The following MTSS1 variants were observed in gnomAD, a reference collection of about 807,000 sequenced individuals.
MTSS1 encodes protein MTSS 1.
MTSS1 carries 18 observed loss-of-function variants against 79.0 expected under a neutral mutation model. The observed-to-expected ratio is 0.23, with a 90% confidence interval of 0.16 to 0.34. MTSS1 has a LOEUF of 0.34. Among genes scored for constraint, MTSS1 ranks in the 10% least tolerant of loss-of-function variants. The probability of loss-of-function intolerance (pLI) is 1.00; values close to 1 mark genes in which losing one functional copy is unlikely to be tolerated. For missense variants in MTSS1, 815 were observed against 986.2 expected (o/e 0.83, Z 2.33); for synonymous variants, 341 against 368.6 (o/e 0.93, Z 0.86).
intron 9 of MTSS1, 124 bp downstream of exon 9, chr8:124,565,538 C>G: frequency 2.6e-6 from 2 of 777,078 alleles, no homozygotes; most frequent in South Asian, 4.0e-5. Context: ...TCTTTCAGCT[C>G]ATCATCCCAT....
Position 124,704,121 on chromosome 8 carries a change from T to A in MTSS1, c.134+9A>T. 6.2e-7 allele frequency: 1 copy of A among 1,613,592 alleles called. No homozygotes were observed. Among genetic ancestry groups the A allele is most frequent in the East Asian group, 2.2e-5 (1 of 44,878 alleles). Reference sequence around the variant, plus strand: ...GTCCTTTTCCTGTAGAACATGTGCTTCTACTTACCGAAGCTGGGACTGCAG... The same window carrying A: ...GTCCTTTTCCTGTAGAACATGTGCTACTACTTACCGAAGCTGGGACTGCAG... On this transcript the variant is annotated intron_variant, in intron 2 of 13. Coordinates refer to ENST00000518547, the MANE Select transcript of MTSS1 (RefSeq NM_014751.6).
rs939072739 is a variant in MTSS1, at chr8:124,683,148, TA to T, written c.208+16377del. On this transcript the variant is annotated intron_variant, in intron 3 of 13. Transcript: ENST00000518547. The surrounding 1 kb of genome is among the most constrained non-coding windows in gnomAD (Gnocchi z 4.5). Reference sequence around the variant, plus strand: ...TGTTTAATGTGACAGCACTTCCATTTAAAGTAAGCAAAAAAAAAAGAAAAAA... The same window carrying T: ...TGTTTAATGTGACAGCACTTCCATTTAAGTAAGCAAAAAAAAAAGAAAAAA... Among the ~76,000 whole-genome samples the T allele has an allele frequency of 4.0e-5, 6 of 151,466 alleles. No individual in the cohort carries two copies. The highest frequency in any genetic ancestry group is 1.5e-4 in the African/African-American group (6 of 41,094).
At chr8:124,591,318 C>A in intron 3 of MTSS1, 83 bp from the exon 4 acceptor site, 1 of 1,093,296 alleles carries the variant, frequency 9.1e-7, no homozygotes, top group South Asian at 1.3e-5. Flanking sequence ...ACAAACAAGT[C>A]AGATTTCACC....
At chr8:124,593,216 G>A (rs1563816298) in intron 3 of MTSS1, among the ~76,000 whole-genome samples, 3 of 152,212 alleles carry the variant, frequency 2.0e-5, no homozygotes, top group Admixed American at 1.3e-4. Context: ...TTTATTCCCC[G>A]GGAAATATTT....
At chr8:124,580,731 T>A (rs1430667512) in intron 6 of MTSS1, 5 of 657,954 alleles carry the variant, frequency 7.6e-6, no homozygotes, top group Non-Finnish European at 1.3e-5. Context: ...TAAACCCACA[T>A]CCACATTCCC....
intron 3 of MTSS1, among the ~76,000 whole-genome samples, chr8:124,686,485 GTCGAATTCCTAACA>G (rs1827009060): frequency 6.6e-6 from 1 of 152,154 alleles, no homozygotes; most frequent in African/African-American, 2.4e-5. Flanking sequence ...TGCATGGACT[GTCGAATTCCTAACA>G]TCATAACTTA....
chr8:124,568,017 G>C, intron 7 of MTSS1: 1 of 1,209,420 alleles, frequency 8.3e-7, no homozygotes, highest in African/African-American at 1.5e-5. Flanking sequence ...AAACACAGAC[G>C]ACTGGGTCCC....
chr8:124,575,682 G>A (rs8180922), intron 6 of MTSS1, among the ~76,000 whole-genome samples: 89,913 of 151,974 alleles, frequency 0.59, 27,089 homozygotes, highest in Non-Finnish European at 0.66. Context: ...ACTACAAGTA[G>A]GAGTTTTATC....
intron 6 of MTSS1, among the ~76,000 whole-genome samples, chr8:124,575,575 T>TTTG (rs1554646280): frequency 1.1e-3 from 120 of 106,424 alleles, no homozygotes; most frequent in African/African-American, 4.2e-3. Flanking sequence ...GGGTGGGTTT[T>TTTG]TTGTTGTTGT....
chr8:124,622,938 C>A (rs1382141579), intron 3 of MTSS1, among the ~76,000 whole-genome samples: 1 of 152,174 alleles, frequency 6.6e-6, no homozygotes, highest in Non-Finnish European at 1.5e-5. Flanking sequence ...CTTCCCTGAC[C>A]CGGAAAGTAG....
intron 6 of MTSS1, among the ~76,000 whole-genome samples, chr8:124,569,216 T>A (rs779068944): frequency 2.0e-5 from 3 of 152,214 alleles, no homozygotes; most frequent in Non-Finnish European, 2.9e-5. Flanking sequence ...TTAGGAATTA[T>A]CTGGCCAGGT....
intron 3 of MTSS1, among the ~76,000 whole-genome samples, chr8:124,634,986 C>T (rs969453387): frequency 3.3e-5 from 5 of 152,252 alleles, no homozygotes; most frequent in African/African-American, 7.2e-5. Flanking sequence ...TTGTTTTGTA[C>T]GAAATAATGA....
chr8:124,727,702 C>A lies in MTSS1; in HGVS notation c.72+182G>T. ...CCCAGAGAAGCCACCCGCCCAGTGACCCCGCAGAGCCCGGAGCAGCGCCCC... is the reference window on the plus strand; with the variant it reads ...CCCAGAGAAGCCACCCGCCCAGTGAACCCGCAGAGCCCGGAGCAGCGCCCC... On this transcript the variant is annotated intron_variant, in intron 1 of 13. Transcript: ENST00000518547. This position sits in a 1 kb window ranked among gnomAD's most constrained non-coding sequence, Gnocchi z 4.7. 4.5e-6 allele frequency: 3 copies of A among 673,316 alleles called. No individual in the cohort carries two copies. Among genetic ancestry groups the A allele is most frequent in the Non-Finnish European group, 5.4e-6 (2 of 370,364 alleles). The allele number at this position is 673,316 out of a possible 1,614,324, so 41.7% of individuals were successfully genotyped here. A position where few individuals can be genotyped will look rare whatever the true frequency, so the allele number is the denominator to read the frequency against.
chr8:124,650,135 A>C (rs1320264782), intron 3 of MTSS1, among the ~76,000 whole-genome samples: 1 of 151,782 alleles, frequency 6.6e-6, no homozygotes, highest in Non-Finnish European at 1.5e-5. Context: ...GATTCAAGCA[A>C]TTCTCCTGCC....
intron 3 of MTSS1, among the ~76,000 whole-genome samples, chr8:124,632,061 G>A (rs973742066): frequency 2.0e-5 from 3 of 152,086 alleles, no homozygotes; most frequent in African/African-American, 7.2e-5. Flanking sequence ...AGAATCGCTT[G>A]AGCCCAGCAG....
rs922934450 is a variant in MTSS1 at position 124,728,135 on chromosome 8, A to G, written c.-180T>C. 7 of 525,222 alleles carry G rather than the reference A, an allele frequency of 1.3e-5. No individual in the cohort carries two copies. The highest frequency in any genetic ancestry group is 2.3e-5 in the Non-Finnish European group (7 of 299,582). 32.5% of individuals were successfully genotyped at this position (525,222 alleles called of 1,614,324 possible). ...ACTGTTCTCTGCCCAAAATAATAAC[A>G]GTAATTTAAAAAGCCAAACCGCTCT... is the stretch of plus-strand genomic sequence containing the variant. On this transcript the variant is annotated 5_prime_UTR_variant, in exon 1 of 14. Coordinates refer to ENST00000518547, the MANE Select transcript of MTSS1 (RefSeq NM_014751.6). This position sits in a 1 kb window ranked among gnomAD's most constrained non-coding sequence, Gnocchi z 6.1.
At chr8:124,622,984 G>C (rs186346167) in intron 3 of MTSS1, among the ~76,000 whole-genome samples, 1 of 152,144 alleles carries the variant, frequency 6.6e-6, no homozygotes, top group Non-Finnish European at 1.5e-5. Flanking sequence ...GAGCACAGAC[G>C]AGCCCATCCC....
chr8:124,624,699 G>GT (rs1814307742), intron 3 of MTSS1, among the ~76,000 whole-genome samples: 1 of 152,190 alleles, frequency 6.6e-6, no homozygotes, highest in Non-Finnish European at 1.5e-5. Context: ...TGCCAGCCAC[G>GT]TTGATGGCGC....
intron 3 of MTSS1, among the ~76,000 whole-genome samples, chr8:124,681,513 C>T (rs1038668657): frequency 1.3e-5 from 2 of 152,204 alleles, no homozygotes; most frequent in Non-Finnish European, 2.9e-5. Context: ...CCTGGCTGGG[C>T]GCAGTGGCTC....
Sources: gnomAD v4.1 joint callset for allele counts (sites outside exome capture counted in the v4.1 genomes callset) on GRCh38, gnomAD v4.1.1 for gene constraint, Gnocchi (gnomAD v3.1) non-coding constraint, MANE v1.5 for transcripts, NCBI Gene and HGNC (gene_info 2026-07-23, HGNC 2026-07-21) for gene names.